The following RBL1 variants were observed in gnomAD, a reference collection of about 807,000 sequenced individuals.
The protein encoded by RBL1 is RB transcriptional corepressor like 1.
A neutral mutation model predicts 123.0 loss-of-function variants in RBL1; 82 were observed. The ratio of observed to expected loss-of-function variants is 0.67; its 90% CI spans 0.56 to 0.80. The LOEUF (loss-of-function observed/expected upper bound fraction) is 0.80, where lower values mean the gene tolerates loss of function less well. Among genes scored for constraint, RBL1 ranks in the 30% least tolerant of loss-of-function variants. The pLI, the probability that RBL1 is intolerant of heterozygous loss-of-function variation, is 0.00. For missense variants in RBL1, 1,171 were observed against 1,299.6 expected (o/e 0.90, Z 1.52); for synonymous variants, 405 against 441.3 (o/e 0.92, Z 1.03).
intron 20 of RBL1, 92 bp downstream of exon 20, chr20:37,007,319 T>A (rs1197383674): frequency 2.2e-6 from 3 of 1,376,334 alleles, no homozygotes; most frequent in East Asian, 4.6e-5. Flanking sequence ...TTGCTAGTAA[T>A]TTTACTTGGA....
intron 2 of RBL1, among the ~76,000 whole-genome samples, chr20:37,072,190 C>T (rs1176242441): frequency 2.0e-5 from 3 of 152,048 alleles, no homozygotes; most frequent in Non-Finnish European, 2.9e-5. Flanking sequence ...GTTTTTTGGC[C>T]GGGTGCAGTG....
chr20:37,003,883 G>A lies in RBL1; in HGVS notation c.2872-17C>T, dbSNP rs1310347804. 1 of 1,572,390 alleles carries A rather than the reference G, an allele frequency of 6.4e-7. No homozygotes were observed. Among genetic ancestry groups the A allele is most frequent in the Non-Finnish European group, 8.6e-7 (1 of 1,161,846 alleles). ...AGCATCCATCTAAAATAACCCAAAAGTCAGATTTTTTAGATAAAAGTTTTT... is the reference window on the plus strand; with the variant it reads ...AGCATCCATCTAAAATAACCCAAAAATCAGATTTTTTAGATAAAAGTTTTT... On this transcript the variant is annotated splice_polypyrimidine_tract_variant and intron_variant, in intron 20 of 21. Coordinates refer to ENST00000373664, the MANE Select transcript of RBL1 (RefSeq NM_002895.5).
At chr20:37,012,627 G>C (rs1336403604) in intron 19 of RBL1, among the ~76,000 whole-genome samples, 1 of 145,742 alleles carries the variant, frequency 6.9e-6, no homozygotes, top group East Asian at 2.0e-4. Context: ...CCTCCGCCCA[G>C]CAGCCACCCC....
chr20:37,030,759 A>G (rs570384647), intron 16 of RBL1, among the ~76,000 whole-genome samples: 60 of 151,968 alleles, frequency 3.9e-4, no homozygotes, highest in African/African-American at 1.4e-3. Context: ...GGAGGCTGAG[A>G]AAGGAGAATT....
intron 6 of RBL1, among the ~76,000 whole-genome samples, chr20:37,066,469 C>A (rs1383889281): frequency 2.0e-5 from 3 of 151,806 alleles, no homozygotes; most frequent in Non-Finnish European, 4.4e-5. Context: ...CTTTACAATT[C>A]TTTATCAGTA....
chr20:37,061,305 T>C (rs1459999547), intron 8 of RBL1, 36 bp from the exon 9 acceptor site: 6 of 1,598,710 alleles, frequency 3.8e-6, no homozygotes, highest in East Asian at 2.2e-5. Context: ...TTTTTAAAAG[T>C]TACCATCTTC....
At chr20:37,006,571 T>A (rs1239545414) in intron 20 of RBL1, among the ~76,000 whole-genome samples, 1 of 150,830 alleles carries the variant, frequency 6.6e-6, no homozygotes, top group Non-Finnish European at 1.5e-5. Context: ...CTGGGTGCAG[T>A]GGCTCATGCC....
intron 16 of RBL1, among the ~76,000 whole-genome samples, chr20:37,031,166 GCA>G (rs1000729051): frequency 1.3e-5 from 2 of 152,008 alleles, no homozygotes; most frequent in Non-Finnish European, 2.9e-5. Flanking sequence ...GACACCAAAA[GCA>G]CAGACAAAAA....
chr20:37,068,165 T>C lies in RBL1; in HGVS notation c.312A>G (p.Lys104=), dbSNP rs1189427001. 4 of 1,590,026 alleles carry C rather than the reference T, an allele frequency of 2.5e-6. No individual in the cohort carries two copies. Among genetic ancestry groups the C allele is most frequent in the Non-Finnish European group, 3.4e-6 (4 of 1,172,352 alleles). ...TTGACATGTCCATCCATTTCTTCATTTTACTAAAAAATTGTATTAAACTAA... is the reference window on the plus strand; with the variant it reads ...TTGACATGTCCATCCATTTCTTCATCTTACTAAAAAATTGTATTAAACTAA... ...AKLSLIQFFS[K]MKKWMDMSNL... The change falls in exon 3 of 22, where the codon AAA becomes AAG. Residue 104 remains lysine (K), a synonymous_variant. Transcript: ENST00000373664.
chr20:37,077,367 A>G (rs1316826908), intron 2 of RBL1, among the ~76,000 whole-genome samples: 1 of 152,232 alleles, frequency 6.6e-6, no homozygotes, highest in Non-Finnish European at 1.5e-5. Flanking sequence ...GGTGTTTATT[A>G]GATGAAATCA....
intron 2 of RBL1, among the ~76,000 whole-genome samples, chr20:37,076,469 T>A (rs1326427692): frequency 6.6e-6 from 1 of 152,244 alleles, no homozygotes; most frequent in Non-Finnish European, 1.5e-5. Context: ...GGCCACTAAG[T>A]GGCCAACAGG....
chr20:37,000,860 C>T (rs2063963314), intron 21 of RBL1, among the ~76,000 whole-genome samples: 3 of 141,792 alleles, frequency 2.1e-5, no homozygotes, highest in Admixed American at 2.1e-4. Context: ...GTGAGGAGCC[C>T]CTCTGCCCGG....
intron 7 of RBL1, 55 bp downstream of exon 7, chr20:37,065,369 T>A: frequency 1.5e-6 from 2 of 1,323,564 alleles, no homozygotes; most frequent in South Asian, 1.4e-5. Flanking sequence ...TTTCAACAAA[T>A]CAACAAATAT....
intron 21 of RBL1, 40 bp downstream of exon 21, chr20:37,003,662 C>A: frequency 1.3e-6 from 2 of 1,530,720 alleles, no homozygotes; most frequent in African/African-American, 1.4e-5. Flanking sequence ...CAGTTACTGA[C>A]TGTTAATCTG....
chr20:36,999,641 G>A (rs1056479761), intron 21 of RBL1, among the ~76,000 whole-genome samples: 37 of 152,064 alleles, frequency 2.4e-4, no homozygotes, highest in South Asian at 1.5e-3. Context: ...GCAGGCACGC[G>A]CCGCCACGCC....
chr20:37,069,785 CG>C (rs1179476898), intron 2 of RBL1, among the ~76,000 whole-genome samples: 7 of 151,540 alleles, frequency 4.6e-5, no homozygotes. Flanking sequence ...CACCCCCATC[CG>C]GGAGGGAGGT....
In RBL1 at chr20:36,998,804, T is replaced by C. The variant is rs148879331; in HGVS notation, c.3162A>G (p.Leu1054=). Residue 1054 remains leucine (L), a synonymous_variant, in exon 22 of 22, where the codon TTA becomes TTG. Transcript: ENST00000373664. ...KRVCQENDDV[L]LKRLQDVVSE... ...TGACAACATCCTGTAGTCGTTTCAGTAAAACGTCATCATTTTCTTGACAGA... is the reference window on the plus strand; with the variant it reads ...TGACAACATCCTGTAGTCGTTTCAGCAAAACGTCATCATTTTCTTGACAGA... The C allele has an allele frequency of 7.4e-6, 12 of 1,613,634 alleles. No individual in the cohort carries two copies. The highest frequency in any genetic ancestry group is 9.3e-6 in the Non-Finnish European group (11 of 1,179,844).
In RBL1 at chr20:37,033,947, C is replaced by CTTTTTCT. The variant is rs544026132; in HGVS notation, c.2171-1072_2171-1071insAGAAAAA. The stretch of plus-strand genomic sequence containing the variant: ...CGGGCCCCCTTTTTTTTTTCTTTTT[C>CTTTTTCT]TTTTTTTTTTTGACAATGTCTTGCT... On this transcript the variant is annotated intron_variant, in intron 15 of 21. Coordinates refer to ENST00000373664, the MANE Select transcript of RBL1 (RefSeq NM_002895.5). 1.1e-4 allele frequency among the ~76,000 whole-genome samples: 16 copies of CTTTTTCT among 139,482 alleles called. No homozygotes were observed. In the East Asian group the frequency reaches 2.1e-3, roughly 18 times the overall value. 91.5% of individuals were successfully genotyped at this position (139,482 alleles called of 152,430 possible). A position where few individuals can be genotyped will look rare whatever the true frequency, so the allele number is the denominator to read the frequency against.
At position 37,095,778 on chromosome 20, in the gene RBL1, G is replaced by A; in HGVS notation, c.151C>T (p.Leu51=). 6.2e-7 allele frequency: 1 copy of A among 1,608,224 alleles called. No individual in the cohort carries two copies. The change falls in exon 1 of 22, where the codon CTA becomes TTA. Residue 51 remains leucine (L), a synonymous_variant. Coordinates refer to ENST00000373664, the MANE Select transcript of RBL1 (RefSeq NM_002895.5). ...DFTAIRGNYS[L]EGEVTHWLAC... Reference sequence around the variant, plus strand: ...CCCCACCTGCTGCCGCTCACCTCTAGGCTGTAGTTGCCTCGGATGGCAGTA... The same window carrying A: ...CCCCACCTGCTGCCGCTCACCTCTAAGCTGTAGTTGCCTCGGATGGCAGTA...
Sources: gnomAD v4.1 joint callset for allele counts (sites outside exome capture counted in the v4.1 genomes callset) on GRCh38, gnomAD v4.1.1 for gene constraint, MANE v1.5 for transcripts, NCBI Gene and HGNC (gene_info 2026-07-23, HGNC 2026-07-21) for gene names.